Variants in B4GAT1 observed in about 807,000 individuals in gnomAD.
B4GAT1 encodes N-acetyllactosaminide beta-1,3-N-acetylglucosaminyltransferase.
B4GAT1 carries 18 observed loss-of-function variants against 35.0 expected under a neutral mutation model. The ratio of observed to expected loss-of-function variants is 0.51; its 90% CI spans 0.36 to 0.76. B4GAT1 has a LOEUF of 0.76. B4GAT1 is among the 30% of genes least tolerant of loss of function. The probability of loss-of-function intolerance (pLI) is 0.01; values close to 1 mark genes in which losing one functional copy is unlikely to be tolerated. For missense variants in B4GAT1, 458 were observed against 555.0 expected (o/e 0.83, Z 1.76); for synonymous variants, 217 against 251.6 (o/e 0.86, Z 1.30).
In B4GAT1 at chr11:66,347,591, A is replaced by T. The variant is rs1716237591; in HGVS notation, c.-46T>A. On this transcript the variant is annotated 5_prime_UTR_variant, in exon 1 of 2. Transcript: ENST00000311181. The surrounding 1 kb of genome is among the most constrained non-coding windows in gnomAD (Gnocchi z 6.3). ...CGCAGCAACGACCACCCGGCCACAGACTACGCCAGCGGCCGCAAGCCCGGA... is the reference window on the plus strand; with the variant it reads ...CGCAGCAACGACCACCCGGCCACAGTCTACGCCAGCGGCCGCAAGCCCGGA... The T allele has an allele frequency of 3.2e-6, 4 of 1,243,920 alleles. No individual in the cohort carries two copies. The highest frequency in any genetic ancestry group is 3.0e-6 in the Non-Finnish European group (3 of 994,318). The allele number at this position is 1,243,920 out of a possible 1,614,324, so 77.1% of individuals were successfully genotyped here.
In B4GAT1 at chr11:66,347,597, C is replaced by T; in HGVS notation, c.-52G>A. On this transcript the variant is annotated 5_prime_UTR_variant, in exon 1 of 2. Transcript: ENST00000311181. The surrounding 1 kb of genome is among the most constrained non-coding windows in gnomAD (Gnocchi z 6.3). ...AACGACCACCCGGCCACAGACTACG[C>T]CAGCGGCCGCAAGCCCGGATTTACC... 3 of 1,238,580 alleles carry T rather than the reference C, an allele frequency of 2.4e-6. No individual in the cohort carries two copies. The highest frequency in any genetic ancestry group is 4.2e-5 in the Admixed American group (1 of 23,870). The allele number at this position is 1,238,580 out of a possible 1,614,324, so 76.7% of individuals were successfully genotyped here.
In B4GAT1 at chr11:66,347,142, G is replaced by T; in HGVS notation, c.404C>A (p.Ala135Asp). ...GCTCAGCGCGTAGGCCAGCACCGTG[G>T]CCAGCTGCGCCTCCTCCTTGGTGGC... ...FAATKEEAQL[A>D]TVLAYALSSH... Residue 135 changes from alanine to aspartate, a missense_variant, in exon 1 of 2, where the codon GCC becomes GAC. Coordinates refer to ENST00000311181, the MANE Select transcript of B4GAT1 (RefSeq NM_006876.3). This position sits in a 1 kb window ranked among gnomAD's most constrained non-coding sequence, Gnocchi z 6.3. 1 of 1,593,022 alleles carries T rather than the reference G, an allele frequency of 6.3e-7. No individual in the cohort carries two copies. The highest frequency in any genetic ancestry group is 8.5e-7 in the Non-Finnish European group (1 of 1,171,052).
Position 66,346,543 on chromosome 11 carries a change from C to A in B4GAT1, c.1003G>T (p.Val335Leu). The A allele has an allele frequency of 6.2e-7, 1 of 1,613,366 alleles. No individual in the cohort carries two copies. Among genetic ancestry groups the A allele is most frequent in the Non-Finnish European group, 8.5e-7 (1 of 1,179,518 alleles). ...CGAAAGCGCTCGTCGAAGGTGGGCA[C>A]CTTGCCTCCTGCCACGTAGAATGGC... is the stretch of plus-strand genomic sequence containing the variant. ...WEPFYVAGGKVPTFDERFRQY... is the reference protein window; with the variant it reads ...WEPFYVAGGKLPTFDERFRQY... The change falls in exon 1 of 2, where the codon GTG becomes TTG. Residue 335 changes from valine (V) to leucine (L), a missense_variant. By Grantham distance (32) the Val-to-Leu change is conservative. Transcript: ENST00000311181. This position sits in a 1 kb window ranked among gnomAD's most constrained non-coding sequence, Gnocchi z 6.1.
chr11:66,346,960 CG>C lies in B4GAT1; in HGVS notation c.585del (p.Ile197LeufsTer16). ...TTGGTGCCCAGCGCATAATTAATCC[CG>C]GGCTGGGCCACCCTGGCTAGCTTGT... ...VFDKLARVAQ[P>X]GINYALGTNV... On this transcript the variant is annotated frameshift_variant, in exon 1 of 2. Transcript: ENST00000311181. LOFTEE classifies it high-confidence loss of function. This position sits in a 1 kb window ranked among gnomAD's most constrained non-coding sequence, Gnocchi z 6.1. 1.2e-6 allele frequency: 2 copies of C among 1,612,046 alleles called. No individual in the cohort carries two copies. The highest frequency in any genetic ancestry group is 1.7e-6 in the Non-Finnish European group (2 of 1,179,866).
At position 66,345,933 on chromosome 11, in the gene B4GAT1, G is replaced by T; in HGVS notation, c.*116C>A. 1.7e-6 allele frequency: 2 copies of T among 1,180,564 alleles called. No individual in the cohort carries two copies. The highest frequency in any genetic ancestry group is 2.4e-6 in the Non-Finnish European group (2 of 831,874). The allele number at this position is 1,180,564 out of a possible 1,614,324, so 73.1% of individuals were successfully genotyped here. A position where few individuals can be genotyped will look rare whatever the true frequency, so the allele number is the denominator to read the frequency against. On this transcript the variant is annotated 3_prime_UTR_variant, in exon 2 of 2. Transcript: ENST00000311181. ...CCAGCACCCCATATCCAAGTCCAGT[G>T]TTTCAACACCACAGCTACCTCTGTA...
chr11:66,347,167 C>T lies in B4GAT1; in HGVS notation c.379G>A (p.Ala127Thr). Residue 127 changes from alanine (A) to threonine (T), a missense_variant, in exon 1 of 2, where the codon GCC becomes ACC. Physicochemically the swap from Ala to Thr is moderately conservative, Grantham distance 58. Transcript: ENST00000311181. The surrounding 1 kb of genome is among the most constrained non-coding windows in gnomAD (Gnocchi z 6.3). The stretch of plus-strand genomic sequence containing the variant: ...GCCAGCTGCGCCTCCTCCTTGGTGG[C>T]CGCGAACACCGACACGGACAGCGGG... ...EGPLSVSVFA[A>T]TKEEAQLATV... The T allele has an allele frequency of 6.3e-7, 1 of 1,590,136 alleles. No individual in the cohort carries two copies. The highest frequency in any genetic ancestry group is 1.8e-5 in the Admixed American group (1 of 56,248).
Position 66,346,883 on chromosome 11 carries a change from G to T in B4GAT1, c.663C>A (p.Asn221Lys), listed in dbSNP as rs766768234. 4 of 1,613,968 alleles carry T rather than the reference G, an allele frequency of 2.5e-6. No individual in the cohort carries two copies. Among genetic ancestry groups the T allele is most frequent in the Non-Finnish European group, 3.4e-6 (4 of 1,180,006 alleles). The change falls in exon 1 of 2, where the codon AAC becomes AAA. Residue 221 changes from asparagine to lysine, a missense_variant. Coordinates refer to ENST00000311181, the MANE Select transcript of B4GAT1 (RefSeq NM_006876.3). The surrounding 1 kb of genome is among the most constrained non-coding windows in gnomAD (Gnocchi z 6.1). ...TGTCCACATCGATCACCAGGGCATAGTTGGCCCCCTCACGAGCCAGATTCC... is the reference window on the plus strand; with the variant it reads ...TGTCCACATCGATCACCAGGGCATATTTGGCCCCCTCACGAGCCAGATTCC... ...LLRNLAREGA[N>K]YALVIDVDMV...
In B4GAT1 at chr11:66,346,245, A is replaced by G. The variant is rs1385664282; in HGVS notation, c.1057-5T>C. 2 of 1,611,666 alleles carry G rather than the reference A, an allele frequency of 1.2e-6. No individual in the cohort carries two copies. The highest frequency in any genetic ancestry group is 1.1e-5 in the South Asian group (1 of 91,054). On this transcript the variant is annotated splice_polypyrimidine_tract_variant and splice_region_variant and intron_variant, in intron 1 of 1. Transcript: ENST00000311181. This position sits in a 1 kb window ranked among gnomAD's most constrained non-coding sequence, Gnocchi z 6.1. ...CGCCACATGCAGCTCGCAGGCCTGC[A>G]GGAGGAAAGACAGGTTAGCAAAGTT... is the stretch of plus-strand genomic sequence containing the variant.
chr11:66,347,385 C>A lies in B4GAT1; in HGVS notation c.161G>T (p.Arg54Leu), dbSNP rs968013943. 6.9e-6 allele frequency: 11 copies of A among 1,587,268 alleles called. No individual in the cohort carries two copies. The highest frequency in any genetic ancestry group is 8.6e-6 in the Non-Finnish European group (10 of 1,167,038). ...QYFEFFPPSP[R>L]SVDQVKAQLR... ...CTGCGCCTTGACCTGGTCCACGGACCGTGGGGACGGGGGAAAGAACTCAAA... is the reference window on the plus strand; with the variant it reads ...CTGCGCCTTGACCTGGTCCACGGACAGTGGGGACGGGGGAAAGAACTCAAA... Residue 54 changes from arginine (R) to leucine (L), a missense_variant, in exon 1 of 2, where the codon CGG becomes CTG. Transcript: ENST00000311181. This position sits in a 1 kb window ranked among gnomAD's most constrained non-coding sequence, Gnocchi z 6.3.
rs199608142 is a variant in B4GAT1, at chr11:66,346,688, G to A, written c.858C>T (p.Pro286=). 5 of 1,613,826 alleles carry A rather than the reference G, an allele frequency of 3.1e-6. No homozygotes were observed. The highest frequency in any genetic ancestry group is 1.7e-6 in the Non-Finnish European group (2 of 1,180,018). The change falls in exon 1 of 2, where the codon CCC becomes CCT. Residue 286 remains proline (P), a synonymous_variant. Transcript: ENST00000311181. The surrounding 1 kb of genome is among the most constrained non-coding windows in gnomAD (Gnocchi z 6.1). ...AGGGGGTGCACAACCCATAATAGAAGGGCCGCACCTCGCCAACCTGGTAGA... is the reference window on the plus strand; with the variant it reads ...AGGGGGTGCACAACCCATAATAGAAAGGCCGCACCTCGCCAACCTGGTAGA... The part of the protein sequence containing the change: ...VQLYQVGEVR[P]FYYGLCTPCQ...
Position 66,346,962 on chromosome 11 carries a change from G to A in B4GAT1, c.584C>T (p.Pro195Leu). Residue 195 changes from proline (P) to leucine (L), a missense_variant, in exon 1 of 2, where the codon CCC becomes CTC. Transcript: ENST00000311181. This position sits in a 1 kb window ranked among gnomAD's most constrained non-coding sequence, Gnocchi z 6.1. ...GGTGCCCAGCGCATAATTAATCCCG[G>A]GCTGGGCCACCCTGGCTAGCTTGTC... ...VFDKLARVAQPGINYALGTNV... is the reference protein window; with the variant it reads ...VFDKLARVAQLGINYALGTNV... The A allele has an allele frequency of 6.2e-7, 1 of 1,612,046 alleles. No homozygotes were observed. Among genetic ancestry groups the A allele is most frequent in the Non-Finnish European group, 8.5e-7 (1 of 1,179,876 alleles).
At position 66,347,087 on chromosome 11, in the gene B4GAT1, G is replaced by C. The variant is rs1855231896; in HGVS notation, c.459C>G (p.Val153=). 2 of 1,583,028 alleles carry C rather than the reference G, an allele frequency of 1.3e-6. No homozygotes were observed. The highest frequency in any genetic ancestry group is 1.7e-5 in the Admixed American group (1 of 57,958). ...GCGAGGGGCACACGAGGTGCATGGC[G>C]ACCCTGGCGCGCATGTCGGGGCAGT... ...SSHCPDMRAR[V]AMHLVCPSRY... is the part of the protein sequence containing the mutation. The change falls in exon 1 of 2, where the codon GTC becomes GTG. Residue 153 remains valine (V), a synonymous_variant. Transcript: ENST00000311181. This position sits in a 1 kb window ranked among gnomAD's most constrained non-coding sequence, Gnocchi z 6.3.
chr11:66,345,910 A>C lies in B4GAT1; in HGVS notation c.*139T>G. On this transcript the variant is annotated 3_prime_UTR_variant, in exon 2 of 2. Transcript: ENST00000311181. ...AGTGGTAAAGCTAGGAATCGATCCC[A>C]GCACCCCATATCCAAGTCCAGTGTT... The C allele has an allele frequency of 3.2e-6, 3 of 940,722 alleles. No homozygotes were observed. Among genetic ancestry groups the C allele is most frequent in the Non-Finnish European group, 4.8e-6 (3 of 623,888 alleles). 58.3% of individuals were successfully genotyped at this position (940,722 alleles called of 1,614,324 possible).
chr11:66,347,537 C>G lies in B4GAT1; in HGVS notation c.9G>C (p.Met3Ile). MQ[M>I]SYAIRCAFYQ... ...AGAAGGCGCACCGGATGGCGTAGGA[C>G]ATCTGCATGGCTCTCGGGGCTCGGG... Residue 3 changes from methionine (M) to isoleucine (I), a missense_variant, in exon 1 of 2, where the codon ATG becomes ATC. Met to Ile is a conservative substitution (Grantham distance 10). Coordinates refer to ENST00000311181, the MANE Select transcript of B4GAT1 (RefSeq NM_006876.3). This position sits in a 1 kb window ranked among gnomAD's most constrained non-coding sequence, Gnocchi z 6.3. The G allele has an allele frequency of 6.9e-7, 1 of 1,447,352 alleles. No homozygotes were observed. Among genetic ancestry groups the G allele is most frequent in the Non-Finnish European group, 9.1e-7 (1 of 1,098,856 alleles). 89.7% of individuals were successfully genotyped at this position (1,447,352 alleles called of 1,614,324 possible). A position where few individuals can be genotyped will look rare whatever the true frequency, so the allele number is the denominator to read the frequency against.
rs1323089089 is a variant in B4GAT1, at chr11:66,347,092, T to C, written c.454A>G (p.Arg152Gly). ...GGGCACACGAGGTGCATGGCGACCCTGGCGCGCATGTCGGGGCAGTGGCTG... is the reference window on the plus strand; with the variant it reads ...GGGCACACGAGGTGCATGGCGACCCCGGCGCGCATGTCGGGGCAGTGGCTG... ...LSSHCPDMRARVAMHLVCPSR... is the reference protein window; with the variant it reads ...LSSHCPDMRAGVAMHLVCPSR... The change falls in exon 1 of 2, where the codon AGG (arginine) becomes GGG (glycine). Residue 152 changes from arginine (R) to glycine (G), a missense_variant. Arg to Gly is a moderately radical substitution (Grantham distance 125). Coordinates refer to ENST00000311181, the MANE Select transcript of B4GAT1 (RefSeq NM_006876.3). This position sits in a 1 kb window ranked among gnomAD's most constrained non-coding sequence, Gnocchi z 6.3. 3.2e-6 allele frequency: 5 copies of C among 1,583,146 alleles called. No individual in the cohort carries two copies. Among genetic ancestry groups the C allele is most frequent in the African/African-American group, 2.7e-5 (2 of 74,478 alleles).
Position 66,345,813 on chromosome 11 carries a change from C to T in B4GAT1, c.*236G>A, listed in dbSNP as rs1417824616. On this transcript the variant is annotated 3_prime_UTR_variant, in exon 2 of 2. Transcript: ENST00000311181. Reference sequence around the variant, plus strand: ...AGTTCCGTGAGGTAGGTATTCTCACCTCCCTTTTTACAGACAGGGTAACCG... The same window carrying T: ...AGTTCCGTGAGGTAGGTATTCTCACTTCCCTTTTTACAGACAGGGTAACCG... 1 of 481,146 alleles carries T rather than the reference C, an allele frequency of 2.1e-6. No homozygotes were observed. The highest frequency in any genetic ancestry group is 1.9e-5 in the African/African-American group (1 of 52,136). The allele number at this position is 481,146 out of a possible 1,614,324, so 29.8% of individuals were successfully genotyped here. A position where few individuals can be genotyped will look rare whatever the true frequency, so the allele number is the denominator to read the frequency against.
rs1437538980 is a variant in B4GAT1 at position 66,345,910 on chromosome 11, A to G, written c.*139T>C. The G allele has an allele frequency of 9.6e-6, 9 of 940,604 alleles. No homozygotes were observed. The Admixed American group carries it at 1.7e-4, about 18-fold the overall frequency. The allele number at this position is 940,604 out of a possible 1,614,324, so 58.3% of individuals were successfully genotyped here. ...AGTGGTAAAGCTAGGAATCGATCCC[A>G]GCACCCCATATCCAAGTCCAGTGTT... On this transcript the variant is annotated 3_prime_UTR_variant, in exon 2 of 2. Coordinates refer to ENST00000311181, the MANE Select transcript of B4GAT1 (RefSeq NM_006876.3).
chr11:66,346,648 T>G lies in B4GAT1; in HGVS notation c.898A>C (p.Asn300His). 1 of 1,613,794 alleles carries G rather than the reference T, an allele frequency of 6.2e-7. No individual in the cohort carries two copies. Among genetic ancestry groups the G allele is most frequent in the Non-Finnish European group, 8.5e-7 (1 of 1,180,010 alleles). The change falls in exon 1 of 2, where the codon AAC becomes CAC. Residue 300 changes from asparagine (N) to histidine (H), a missense_variant. Asn to His is a moderately conservative substitution (Grantham distance 68). Transcript: ENST00000311181. The surrounding 1 kb of genome is among the most constrained non-coding windows in gnomAD (Gnocchi z 6.1). ...GLCTPCQAPTNYSRWVNLPEE... is the reference protein window; with the variant it reads ...GLCTPCQAPTHYSRWVNLPEE... Reference sequence around the variant, plus strand: ...GGCAGGTTGACCCAGCGGGAATAGTTGGTGGGTGCCTGGCAGGGGGTGCAC... The same window carrying G: ...GGCAGGTTGACCCAGCGGGAATAGTGGGTGGGTGCCTGGCAGGGGGTGCAC...
chr11:66,346,856 CATGTCCACATCG>C lies in B4GAT1; in HGVS notation c.678_689del (p.Ile226_Asp229del). On this transcript the variant is annotated inframe_deletion, in exon 1 of 2. Transcript: ENST00000311181. The surrounding 1 kb of genome is among the most constrained non-coding windows in gnomAD (Gnocchi z 6.1). ...CTCTCCACAGCCCCTCGCTGGGCAC[CATGTCCACATCG>C]ATCACCAGGGCATAGTTGGCCCCCT... The C allele has an allele frequency of 6.2e-7, 1 of 1,613,898 alleles. No individual in the cohort carries two copies. Among genetic ancestry groups the C allele is most frequent in the South Asian group, 1.1e-5 (1 of 91,082 alleles).
Sources: gnomAD v4.1 joint callset for allele counts on GRCh38, gnomAD v4.1.1 for gene constraint, Gnocchi (gnomAD v3.1) non-coding constraint, MANE v1.5 for transcripts, NCBI Gene and HGNC (gene_info 2026-07-23, HGNC 2026-07-21) for gene names.